The following PAK1 variants were observed in gnomAD, a reference collection of about 807,000 sequenced individuals.
The protein encoded by PAK1 is p21 (RAC1) activated kinase 1.
PAK1 carries 29 observed loss-of-function variants against 67.4 expected under a neutral mutation model. The ratio of observed to expected loss-of-function variants is 0.43; its 90% confidence interval spans 0.32 to 0.59. PAK1 has a LOEUF of 0.59. PAK1 is among the 20% of genes least tolerant of loss of function. PAK1 has a pLI of 0.07. For synonymous variants in PAK1, 223 were observed against 237.4 expected (o/e 0.94, Z 0.56); for missense variants, 337 against 670.7 (o/e 0.50, Z 5.50).
At chr11:77,395,779 A>C (rs1951754592) in intron 1 of PAK1, among the ~76,000 whole-genome samples, 1 of 152,218 alleles carries the variant, frequency 6.6e-6, no homozygotes, top group Non-Finnish European at 1.5e-5. Flanking sequence ...AAAAGAAATC[A>C]AGCAAGCAAG....
chr11:77,435,852 G>T (rs1272175963), intron 1 of PAK1, among the ~76,000 whole-genome samples: 2 of 151,868 alleles, frequency 1.3e-5, no homozygotes, highest in African/African-American at 4.8e-5. Flanking sequence ...TAGTATTACT[G>T]AACAAAATAA....
chr11:77,410,098 C>G (rs564157965), intron 1 of PAK1, among the ~76,000 whole-genome samples: 1 of 152,290 alleles, frequency 6.6e-6, no homozygotes, highest in South Asian at 2.1e-4. Context: ...GTCCCTCCAA[C>G]CCATCCCTGC....
chr11:77,520,592 C>A, the PAK1 span, among the ~76,000 whole-genome samples: 2 of 152,074 alleles, frequency 1.3e-5, no homozygotes, highest in Non-Finnish European at 2.9e-5. Flanking sequence ...CCTAAGCCAA[C>A]CAGTTTAAGG....
chr11:77,458,628 G>A (rs1212015451), intron 1 of PAK1, among the ~76,000 whole-genome samples: 1 of 152,116 alleles, frequency 6.6e-6, no homozygotes, highest in African/African-American at 2.4e-5. Context: ...CATTAGAAAA[G>A]CACTTACTGA....
intron 6 of PAK1, among the ~76,000 whole-genome samples, chr11:77,357,858 T>C (rs1037147003): frequency 6.6e-5 from 10 of 152,162 alleles, no homozygotes; most frequent in Non-Finnish European, 1.2e-4. Context: ...TACATATGGA[T>C]TTCCTCTACT....
chr11:77,379,076 A>G (rs371516124), intron 4 of PAK1, 165 bp downstream of exon 4: 3 of 618,570 alleles, frequency 4.8e-6, no homozygotes, highest in East Asian at 2.7e-5. Flanking sequence ...AGTTTGATGC[A>G]AAGTCCATCA....
chr11:77,375,995 T>G (rs1031620818), intron 4 of PAK1, among the ~76,000 whole-genome samples: 3 of 152,142 alleles, frequency 2.0e-5, no homozygotes, highest in African/African-American at 7.2e-5. Flanking sequence ...AAATCCAGAA[T>G]AGCTAGCAGT....
At chr11:77,410,673 G>T (rs12418331) in intron 1 of PAK1, among the ~76,000 whole-genome samples, 1 of 151,666 alleles carries the variant, frequency 6.6e-6, no homozygotes, top group African/African-American at 2.4e-5. Flanking sequence ...GAAGGGTGAA[G>T]GGGACGGCGG....
At chr11:77,518,116 T>C in the PAK1 span, among the ~76,000 whole-genome samples, 1 of 152,186 alleles carries the variant, frequency 6.6e-6, no homozygotes, top group Non-Finnish European at 1.5e-5. Flanking sequence ...ATTTCAATAA[T>C]CTCCACATAA....
chr11:77,329,655 T>C (rs917819753), intron 14 of PAK1, among the ~76,000 whole-genome samples: 30 of 151,928 alleles, frequency 2.0e-4, no homozygotes, highest in African/African-American at 6.8e-4. Context: ...GAGCTATCTA[T>C]GACAAACCCA....
chr11:77,324,463 G>A (rs547684724), intron 14 of PAK1, among the ~76,000 whole-genome samples: 7 of 152,132 alleles, frequency 4.6e-5, no homozygotes, highest in Admixed American at 2.6e-4. Flanking sequence ...ATGAGCCACC[G>A]TGCCTGGTCT....
chr11:77,400,511 G>A (rs1403419307), intron 1 of PAK1, among the ~76,000 whole-genome samples: 1 of 152,172 alleles, frequency 6.6e-6, no homozygotes, highest in Non-Finnish European at 1.5e-5. Flanking sequence ...TCTGCACTGA[G>A]GACTCAGTGA....
At chr11:77,329,338 G>T (rs892739206) in intron 14 of PAK1, 18 of 152,164 alleles carry the variant, frequency 1.2e-4, no homozygotes, top group African/African-American at 4.3e-4. Context: ...CAAAAAAAGA[G>T]AATTTTAGCC....
the PAK1 span, among the ~76,000 whole-genome samples, chr11:77,489,978 G>A: frequency 2.6e-5 from 4 of 150,992 alleles, no homozygotes; most frequent in Non-Finnish European, 5.9e-5. Flanking sequence ...GTCTCTGCCC[G>A]GCCGCCATCC....
intron 5 of PAK1, among the ~76,000 whole-genome samples, chr11:77,369,881 C>T (rs1461581045): frequency 6.6e-6 from 1 of 152,108 alleles, no homozygotes; most frequent in African/African-American, 2.4e-5. Flanking sequence ...AAAGTTATTT[C>T]CTGACTTATC....
At chr11:77,421,630 A>C (rs907178215) in intron 1 of PAK1, among the ~76,000 whole-genome samples, 11 of 152,246 alleles carry the variant, frequency 7.2e-5, no homozygotes, top group African/African-American at 2.4e-4. Context: ...TGAAGGAATG[A>C]ATGAATAAAT....
the PAK1 span, among the ~76,000 whole-genome samples, chr11:77,484,221 A>C: frequency 0.18 from 22,940 of 127,954 alleles, 2,217 homozygotes; most frequent in South Asian, 0.45. Context: ...TTATCCATAA[A>C]AAAAAAAAAA....
At chr11:77,521,660 A>C in the PAK1 span, among the ~76,000 whole-genome samples, 36 of 152,318 alleles carry the variant, frequency 2.4e-4, no homozygotes, top group African/African-American at 8.4e-4. Flanking sequence ...TGACACACCC[A>C]GATAGCTAGT....
intron 1 of PAK1, among the ~76,000 whole-genome samples, chr11:77,417,414 A>C (rs1187010161): frequency 6.6e-6 from 1 of 152,210 alleles, no homozygotes. Flanking sequence ...ATTTGGAAAA[A>C]GGCTAAACTA....
Sources: gnomAD v4.1 joint callset for allele counts (sites outside exome capture counted in the v4.1 genomes callset) on GRCh38, gnomAD v4.1.1 for gene constraint, MANE v1.5 for transcripts, NCBI Gene and HGNC (gene_info 2026-07-23, HGNC 2026-07-21) for gene names.